The following PPM1E variants were observed in gnomAD, a reference collection of about 807,000 sequenced individuals.
PPM1E encodes the protein protein phosphatase 1E.
A neutral mutation model predicts 65.9 loss-of-function variants in PPM1E; 20 were observed. The ratio of observed to expected loss-of-function variants is 0.30; its 90% confidence interval spans 0.21 to 0.44. PPM1E has a LOEUF of 0.44. Ranked by LOEUF, PPM1E falls within the 20% of genes least tolerant of loss-of-function variation. The pLI is 1.00. For synonymous variants in PPM1E, 352 were observed against 374.9 expected (o/e 0.94, Z 0.70); for missense variants, 713 against 953.1 (o/e 0.75, Z 3.32).
At chr17:58,857,440 G>A (rs1178254082) in intron 1 of PPM1E, among the ~76,000 whole-genome samples, 4 of 152,004 alleles carry the variant, frequency 2.6e-5, no homozygotes, top group African/African-American at 9.7e-5. Context: ...ACCTCTACTT[G>A]CTTAGTTGAC....
intron 1 of PPM1E, among the ~76,000 whole-genome samples, chr17:58,845,108 C>T (rs2050757891): frequency 6.6e-6 from 1 of 152,098 alleles, no homozygotes; most frequent in Non-Finnish European, 1.5e-5. Flanking sequence ...TTGCTAATCA[C>T]TTATGCGAAA....
intron 2 of PPM1E, among the ~76,000 whole-genome samples, chr17:58,958,781 A>G (rs1436876562): frequency 3.3e-5 from 5 of 151,796 alleles, no homozygotes; most frequent in South Asian, 2.1e-4. Context: ...TTTTTATTAT[A>G]TAGTTATTTA....
intron 1 of PPM1E, among the ~76,000 whole-genome samples, chr17:58,930,286 GACAC>G (rs1226424474): frequency 3.4e-5 from 4 of 117,272 alleles, no homozygotes; most frequent in African/African-American, 9.2e-5. Flanking sequence ...CACACACACA[GACAC>G]ACACACACAT....
intron 1 of PPM1E, among the ~76,000 whole-genome samples, chr17:58,880,423 A>G (rs1182112865): frequency 6.6e-6 from 1 of 152,212 alleles, no homozygotes; most frequent in Non-Finnish European, 1.5e-5. Context: ...GCAGAATTTT[A>G]CACCAAAGAT....
Position 58,756,207 on chromosome 17 carries a change from G to C in PPM1E, c.210G>C (p.Ala70=). 6.4e-7 allele frequency: 1 copy of C among 1,557,398 alleles called. No individual in the cohort carries two copies. The highest frequency in any genetic ancestry group is 1.4e-5 in the African/African-American group (1 of 73,640). ...EASVEEPGEE[A]ATVAATEEGD... is the part of the protein sequence containing the mutation. ...CGGTAGAGGAACCCGGGGAGGAGGC[G>C]GCCACGGTAGCCGCGACGGAGGAGG... Residue 70 remains alanine, a synonymous_variant, in exon 1 of 7, where the codon GCG becomes GCC. Coordinates refer to ENST00000308249, the MANE Select transcript of PPM1E (RefSeq NM_014906.5).
chr17:58,756,381 G>A lies in PPM1E; in HGVS notation c.384G>A (p.Pro128=). Residue 128 remains proline, a synonymous_variant, in exon 1 of 7, where the codon CCG becomes CCA. Coordinates refer to ENST00000308249, the MANE Select transcript of PPM1E (RefSeq NM_014906.5). ...PPQLPPLPPL[P]RPLSERITRE... The stretch of plus-strand genomic sequence containing the variant: ...AGCTGCCGCCTTTGCCCCCGCTCCC[G>A]CGACCGCTGTCAGAGCGCATCACCC... 1 of 1,372,390 alleles carries A rather than the reference G, an allele frequency of 7.3e-7. No homozygotes were observed. The allele number at this position is 1,372,390 out of a possible 1,614,324, so 85.0% of individuals were successfully genotyped here.
chr17:58,820,790 TATATC>T (rs1235926527), intron 1 of PPM1E, among the ~76,000 whole-genome samples: 1 of 152,142 alleles, frequency 6.6e-6, no homozygotes, highest in East Asian at 1.9e-4. Context: ...GTATTTAAAT[TATATC>T]ATAAATAAAA....
chr17:58,943,782 T>C (rs376877180), intron 1 of PPM1E, among the ~76,000 whole-genome samples: 1 of 152,196 alleles, frequency 6.6e-6, no homozygotes, highest in East Asian at 1.9e-4. Context: ...TGAGAAAGTT[T>C]TGAAAATGAA....
chr17:58,903,194 T>C (rs2051517884), intron 1 of PPM1E, among the ~76,000 whole-genome samples: 1 of 152,152 alleles, frequency 6.6e-6, no homozygotes, highest in South Asian at 2.1e-4. Flanking sequence ...GCTTTTCTGG[T>C]CAAGCTTGGA....
chr17:58,767,358 TA>T (rs2049890998), intron 1 of PPM1E, among the ~76,000 whole-genome samples: 1 of 152,208 alleles, frequency 6.6e-6, no homozygotes, highest in Non-Finnish European at 1.5e-5. Context: ...ACCAGGACAT[TA>T]ACCTAGGCAG....
At chr17:58,973,050 T>G (rs985126273) in intron 6 of PPM1E, 125 bp downstream of exon 6, 6 of 619,028 alleles carry the variant, frequency 9.7e-6, no homozygotes, top group Non-Finnish European at 1.7e-5. Flanking sequence ...TTCTTTAAAA[T>G]AATAATTGGA....
intron 5 of PPM1E, among the ~76,000 whole-genome samples, chr17:58,972,537 G>C (rs1018522802): frequency 2.0e-5 from 3 of 152,098 alleles, no homozygotes; most frequent in Non-Finnish European, 4.4e-5. Flanking sequence ...TTTTAGTAGA[G>C]ACGGGGTTTC....
intron 6 of PPM1E, among the ~76,000 whole-genome samples, chr17:58,975,010 AATT>A (rs547520577): frequency 2.7e-4 from 41 of 152,104 alleles, no homozygotes; most frequent in Admixed American, 5.2e-4. Flanking sequence ...CCTTATATGG[AATT>A]ATTATTATTA....
At chr17:58,961,679 A>T (rs903259800) in intron 2 of PPM1E, among the ~76,000 whole-genome samples, 1 of 152,234 alleles carries the variant, frequency 6.6e-6, no homozygotes, top group Non-Finnish European at 1.5e-5. Context: ...TCCAATAGAC[A>T]GTGCAATGAT....
intron 1 of PPM1E, among the ~76,000 whole-genome samples, chr17:58,773,563 A>G (rs2049961603): frequency 6.6e-6 from 1 of 152,148 alleles, no homozygotes; most frequent in Non-Finnish European, 1.5e-5. Flanking sequence ...CCTTTGTATT[A>G]TAAGTCATTT....
At chr17:58,936,392 T>A (rs1327103199) in intron 1 of PPM1E, among the ~76,000 whole-genome samples, 1 of 152,126 alleles carries the variant, frequency 6.6e-6, no homozygotes, top group African/African-American at 2.4e-5. Flanking sequence ...GTAGATAGCA[T>A]CATCATAATA....
intron 1 of PPM1E, among the ~76,000 whole-genome samples, chr17:58,954,321 C>T (rs2052283599): frequency 6.6e-6 from 1 of 152,152 alleles, no homozygotes; most frequent in African/African-American, 2.4e-5. Context: ...TTCATTCTTG[C>T]TCCCTTCTAA....
At chr17:58,953,879 C>T (rs1301213794) in intron 1 of PPM1E, among the ~76,000 whole-genome samples, 1 of 152,030 alleles carries the variant, frequency 6.6e-6, no homozygotes, top group Non-Finnish European at 1.5e-5. Flanking sequence ...TTCCGAGCAG[C>T]TGGGATTACA....
At chr17:58,850,849 C>T (rs2050819661) in intron 1 of PPM1E, among the ~76,000 whole-genome samples, 1 of 152,194 alleles carries the variant, frequency 6.6e-6, no homozygotes, top group Non-Finnish European at 1.5e-5. Flanking sequence ...GGAAGTTCTC[C>T]TGGATAATAT....
Sources: gnomAD v4.1 joint callset for allele counts (sites outside exome capture counted in the v4.1 genomes callset) on GRCh38, gnomAD v4.1.1 for gene constraint, MANE v1.5 for transcripts, NCBI Gene and HGNC (gene_info 2026-07-23, HGNC 2026-07-21) for gene names.